The following ZFAND3 variants were observed in gnomAD, a reference collection of about 807,000 sequenced individuals.
The protein encoded by ZFAND3 is AN1-type zinc finger protein 3.
ZFAND3 carries 10 observed loss-of-function variants against 29.6 expected under a neutral mutation model. That is an observed-to-expected ratio of 0.34 (90% CI 0.21 to 0.57). ZFAND3 has a LOEUF of 0.57. Ranked by LOEUF, ZFAND3 falls within the 20% of genes least tolerant of loss-of-function variation. ZFAND3 has a pLI of 0.86. For missense variants in ZFAND3, 230 were observed against 304.5 expected (o/e 0.76, Z 1.82); for synonymous variants, 128 against 112.6 (o/e 1.14, Z -0.87).
chr6:38,105,283 T>C (rs530982267), intron 4 of ZFAND3, among the ~76,000 whole-genome samples: 1 of 152,296 alleles, frequency 6.6e-6, no homozygotes, highest in African/African-American at 2.4e-5. Flanking sequence ...GGGTCATGCC[T>C]GTAATCCCAG....
intron 2 of ZFAND3, among the ~76,000 whole-genome samples, chr6:37,943,092 G>GA (rs984992549): frequency 4.6e-5 from 7 of 151,688 alleles, no homozygotes; most frequent in South Asian, 2.1e-4. Flanking sequence ...GTATCATGTT[G>GA]AAAAAAAAGG....
chr6:37,914,320 G>C (rs1476316728), intron 1 of ZFAND3, among the ~76,000 whole-genome samples: 2 of 152,134 alleles, frequency 1.3e-5, no homozygotes, highest in Non-Finnish European at 1.5e-5. Context: ...CGTCCCTGGA[G>C]CATAGGCAGA....
chr6:37,916,328 CAGTACCTCCA>C (rs1761253631), intron 1 of ZFAND3, among the ~76,000 whole-genome samples: 1 of 152,050 alleles, frequency 6.6e-6, no homozygotes, highest in Non-Finnish European at 1.5e-5. Flanking sequence ...GTAAAAAGTA[CAGTACCTCCA>C]AAGTGTGGTT....
At chr6:38,130,242 A>G (rs540659880) in intron 5 of ZFAND3, among the ~76,000 whole-genome samples, 2 of 152,322 alleles carry the variant, frequency 1.3e-5, no homozygotes, top group Admixed American at 6.5e-5. Context: ...GTGAACGATC[A>G]TATCATCCAT....
At chr6:37,838,868 G>GT (rs1764018049) in intron 1 of ZFAND3, among the ~76,000 whole-genome samples, 1 of 152,168 alleles carries the variant, frequency 6.6e-6, no homozygotes, top group Non-Finnish European at 1.5e-5. Flanking sequence ...TGGTAACTCT[G>GT]TTTAACTTTT....
chr6:37,823,220 A>G (rs1350456879), intron 1 of ZFAND3, among the ~76,000 whole-genome samples: 1 of 152,170 alleles, frequency 6.6e-6, no homozygotes, highest in Non-Finnish European at 1.5e-5. Flanking sequence ...TGGGGAGAAT[A>G]GAGCGAAGTA....
At chr6:38,050,180 C>G (rs1763998890) in intron 2 of ZFAND3, among the ~76,000 whole-genome samples, 1 of 151,862 alleles carries the variant, frequency 6.6e-6, no homozygotes, top group South Asian at 2.1e-4. Flanking sequence ...GTCTTAAACT[C>G]CTGACCTCAG....
intron 3 of ZFAND3, among the ~76,000 whole-genome samples, chr6:38,081,546 C>T (rs1409970903): frequency 6.6e-6 from 1 of 152,146 alleles, no homozygotes; most frequent in Non-Finnish European, 1.5e-5. Flanking sequence ...TAGTCACAGT[C>T]ACCTGGGGAC....
intron 2 of ZFAND3, among the ~76,000 whole-genome samples, chr6:38,050,522 T>C (rs1358262304): frequency 6.6e-6 from 1 of 152,094 alleles, no homozygotes; most frequent in East Asian, 1.9e-4. Context: ...TGAGTTCCCA[T>C]GAGATCTGAT....
At chr6:37,979,676 A>G (rs1257669694) in intron 2 of ZFAND3, among the ~76,000 whole-genome samples, 2 of 152,220 alleles carry the variant, frequency 1.3e-5, no homozygotes, top group African/African-American at 4.8e-5. Flanking sequence ...TGTCAAAACA[A>G]TCCATTACGA....
chr6:37,937,233 T>C (rs1013488036), intron 2 of ZFAND3, among the ~76,000 whole-genome samples: 12 of 152,226 alleles, frequency 7.9e-5, no homozygotes, highest in Non-Finnish European at 1.3e-4. Flanking sequence ...ATTTTCCTTT[T>C]AGAAATGTAG....
intron 2 of ZFAND3, among the ~76,000 whole-genome samples, chr6:38,011,010 C>G (rs1209061580): frequency 6.6e-6 from 1 of 151,492 alleles, no homozygotes; most frequent in Non-Finnish European, 1.5e-5. Context: ...TCTCAAGTAG[C>G]TGGCACTTAC....
chr6:38,007,331 A>C (rs529184137), intron 2 of ZFAND3, among the ~76,000 whole-genome samples: 15 of 152,270 alleles, frequency 9.9e-5, no homozygotes, highest in African/African-American at 3.6e-4. Flanking sequence ...AGGCCAAGGC[A>C]GGAGGATCGC....
At chr6:38,016,303 A>AGCC (rs1373599284) in intron 2 of ZFAND3, among the ~76,000 whole-genome samples, 1 of 152,244 alleles carries the variant, frequency 6.6e-6, no homozygotes, top group African/African-American at 2.4e-5. Context: ...AGCTTCATTT[A>AGCC]GCCTTTAACC....
chr6:38,131,400 C>G (rs1765738779), intron 5 of ZFAND3, among the ~76,000 whole-genome samples: 1 of 152,156 alleles, frequency 6.6e-6, no homozygotes, highest in African/African-American at 2.4e-5. Flanking sequence ...CTTTAGAGTC[C>G]TTCTTTAGAA....
chr6:38,103,747 T>A (rs535204553), intron 4 of ZFAND3, among the ~76,000 whole-genome samples: 1 of 152,296 alleles, frequency 6.6e-6, no homozygotes, highest in East Asian at 1.9e-4. Context: ...AGATTAAAAT[T>A]AGGGGACTTG....
At position 38,152,566 on chromosome 6, in the gene ZFAND3, G is replaced by A. The variant is rs1234488880; in HGVS notation, c.*177G>A. 7.1e-6 allele frequency: 9 copies of A among 1,273,590 alleles called. No individual in the cohort carries two copies. Among genetic ancestry groups the A allele is most frequent in the Admixed American group, 3.8e-5 (1 of 26,142 alleles). The allele number at this position is 1,273,590 out of a possible 1,614,324, so 78.9% of individuals were successfully genotyped here. A position where few individuals can be genotyped will look rare whatever the true frequency, so the allele number is the denominator to read the frequency against. ...TTAGGGGTTGATGGTGGTTGAAATT[G>A]ATTTCTGGCTGGTTACTAAGGTGCC... On this transcript the variant is annotated 3_prime_UTR_variant, in exon 6 of 6. Coordinates refer to ENST00000287218, the MANE Select transcript of ZFAND3 (RefSeq NM_021943.3).
At chr6:37,878,790 C>T (rs1764839347) in intron 1 of ZFAND3, among the ~76,000 whole-genome samples, 1 of 152,184 alleles carries the variant, frequency 6.6e-6, no homozygotes, top group Non-Finnish European at 1.5e-5. Flanking sequence ...GGAAGAGACA[C>T]TTAGTAATCA....
At chr6:37,969,606 C>CAT (rs1463792151) in intron 2 of ZFAND3, among the ~76,000 whole-genome samples, 6 of 152,004 alleles carry the variant, frequency 3.9e-5, no homozygotes, top group Non-Finnish European at 7.4e-5. Flanking sequence ...GCTTTTGTAC[C>CAT]ATGGTAAAGT....
Sources: gnomAD v4.1 joint callset for allele counts (sites outside exome capture counted in the v4.1 genomes callset) on GRCh38, gnomAD v4.1.1 for gene constraint, MANE v1.5 for transcripts, NCBI Gene and HGNC (gene_info 2026-07-23, HGNC 2026-07-21) for gene names.